The following NUP155 variants were observed in gnomAD, a reference collection of about 807,000 sequenced individuals.
NUP155 encodes nuclear pore complex protein Nup155.
In NUP155, 71 loss-of-function variants were observed where a neutral mutation model predicts 180.4. The ratio of observed to expected loss-of-function variants is 0.39; its 90% CI spans 0.33 to 0.48. The LOEUF (loss-of-function observed/expected upper bound fraction) is 0.48, where lower values mean the gene tolerates loss of function less well. Among genes scored for constraint, NUP155 ranks in the 20% least tolerant of loss-of-function variants. NUP155 has a pLI of 0.91. For missense variants in NUP155, 1,553 were observed against 1,648.9 expected (o/e 0.94, Z 1.01); for synonymous variants, 582 against 559.5 (o/e 1.04, Z -0.57).
intron 9 of NUP155, among the ~76,000 whole-genome samples, chr5:37,348,121 C>T (rs1242128522): frequency 2.6e-5 from 4 of 151,630 alleles, no homozygotes; most frequent in South Asian, 2.1e-4. Flanking sequence ...GCAACAAGAG[C>T]GAAACTCCAT....
intron 1 of NUP155, among the ~76,000 whole-genome samples, chr5:37,369,422 C>A (rs577466007): frequency 7.0e-4 from 106 of 152,214 alleles, no homozygotes; most frequent in African/African-American, 2.5e-3. Context: ...ATGCTAAATT[C>A]TCTGTAATCA....
intron 3 of NUP155, among the ~76,000 whole-genome samples, chr5:37,360,850 C>T (rs1747164965): frequency 6.6e-6 from 1 of 151,308 alleles, no homozygotes; most frequent in Non-Finnish European, 1.5e-5. Context: ...CTCCGTCTCC[C>T]AAAAAACAGG....
At chr5:37,304,894 G>A (rs1743066409) in intron 26 of NUP155, 51 bp from the exon 27 acceptor site, 1 of 1,535,066 alleles carries the variant, frequency 6.5e-7, no homozygotes, top group Non-Finnish European at 9.0e-7. Flanking sequence ...CTGTTTCTGG[G>A]CATCACAACC....
chr5:37,308,126 T>C (rs766700429), intron 24 of NUP155, among the ~76,000 whole-genome samples: 7 of 152,018 alleles, frequency 4.6e-5, no homozygotes, highest in African/African-American at 7.2e-5. Flanking sequence ...AGTAATTTTT[T>C]AAAAAGTAAG....
Position 37,351,381 on chromosome 5 carries a change from C to A in NUP155, c.557-25G>T. The A allele has an allele frequency of 2.0e-6, 3 of 1,527,658 alleles. No individual in the cohort carries two copies. The South Asian group carries it at 3.4e-5, about 17-fold the overall frequency. The allele number at this position is 1,527,658 out of a possible 1,614,324, so 94.6% of individuals were successfully genotyped here. ...CCTATTTAAGAAAGAATACATAAAT[C>A]AGTTTATTAGCTACTCCACAGTTTT... On this transcript the variant is annotated intron_variant, in intron 5 of 34. Transcript: ENST00000231498.
chr5:37,366,218 T>G (rs1747576063), intron 1 of NUP155, among the ~76,000 whole-genome samples: 1 of 152,208 alleles, frequency 6.6e-6, no homozygotes. Context: ...TAGACCTGAC[T>G]GATGACCTAC....
intron 17 of NUP155, among the ~76,000 whole-genome samples, chr5:37,328,008 G>A (rs1341108210): frequency 6.6e-6 from 1 of 152,142 alleles, no homozygotes; most frequent in Non-Finnish European, 1.5e-5. Context: ...ATGTGGATGG[G>A]TACTCCCAGA....
At position 37,308,875 on chromosome 5, in the gene NUP155, C is replaced by CAAAAA. The variant is rs59572976; in HGVS notation, c.2767+249_2767+253dup. Among the ~76,000 whole-genome samples, 19 of 68,856 alleles carry CAAAAA rather than the reference C, an allele frequency of 2.8e-4. 1 individual carries two copies. Among genetic ancestry groups the CAAAAA allele is most frequent in the African/African-American group, 1.0e-3 (16 of 15,290 alleles). The allele number at this position is 68,856 out of a possible 152,430, so 45.2% of individuals were successfully genotyped here. A position where few individuals can be genotyped will look rare whatever the true frequency, so the allele number is the denominator to read the frequency against. ...AGCCTGGCTGACAGAGCGAGACTCT[C>CAAAAA]AAAAAAAAAAAAAAAAAAAAAAAAA... On this transcript the variant is annotated intron_variant, in intron 24 of 34. Coordinates refer to ENST00000231498, the MANE Select transcript of NUP155 (RefSeq NM_153485.3).
intron 3 of NUP155, among the ~76,000 whole-genome samples, chr5:37,360,119 A>G (rs1211127026): frequency 6.6e-6 from 1 of 151,846 alleles, no homozygotes; most frequent in East Asian, 1.9e-4. Flanking sequence ...CTCTGTCTCA[A>G]AAAAAAGGGA....
chr5:37,298,563 G>A (rs934653135), intron 32 of NUP155, among the ~76,000 whole-genome samples: 8 of 152,056 alleles, frequency 5.3e-5, no homozygotes. Flanking sequence ...AACATCAACC[G>A]TTTTTCTTTT....
In NUP155 at chr5:37,296,042, G is replaced by A. The variant is rs1171277918; in HGVS notation, c.3794-1577C>T. 2.1e-4 allele frequency among the ~76,000 whole-genome samples: 31 copies of A among 146,726 alleles called. 1 individual carries two copies. Among genetic ancestry groups the A allele is most frequent in the Non-Finnish European group, 3.8e-4 (25 of 65,860 alleles). On this transcript the variant is annotated intron_variant, in intron 32 of 34. Coordinates refer to ENST00000231498, the MANE Select transcript of NUP155 (RefSeq NM_153485.3). Reference sequence around the variant, plus strand: ...CCCCGCCCGGCCAGCCGCCCTGTCCGGGAGGGAGGTGGGGGGGTCAGCCCC... The same window carrying A: ...CCCCGCCCGGCCAGCCGCCCTGTCCAGGAGGGAGGTGGGGGGGTCAGCCCC...
intron 21 of NUP155, among the ~76,000 whole-genome samples, chr5:37,317,641 T>C (rs1435885958): frequency 6.6e-6 from 1 of 151,334 alleles, no homozygotes; most frequent in Non-Finnish European, 1.5e-5. Flanking sequence ...TAGGGAAATA[T>C]ACAATATCCA....
At position 37,327,774 on chromosome 5, in the gene NUP155, T is replaced by C. The variant is rs1159055225; in HGVS notation, c.1879A>G (p.Ile627Val). The stretch of plus-strand genomic sequence containing the variant: ...GGAGTTGACATGGCAGGAGGCTGTA[T>C]ACCTTGTACACACATAAGAAAAACA... ...PSFLGTPSHG[I>V]QPPAMSTPVC... The change falls in exon 18 of 35, where the codon ATA becomes GTA. Residue 627 changes from isoleucine (I) to valine (V), a missense_variant and splice_region_variant. Coordinates refer to ENST00000231498, the MANE Select transcript of NUP155 (RefSeq NM_153485.3). 1.9e-6 allele frequency: 3 copies of C among 1,614,000 alleles called. No homozygotes were observed. The highest frequency in any genetic ancestry group is 1.1e-5 in the South Asian group (1 of 91,090).
intron 12 of NUP155, among the ~76,000 whole-genome samples, chr5:37,334,520 A>G (rs573666412): frequency 3.0e-4 from 45 of 152,064 alleles, no homozygotes; most frequent in African/African-American, 8.7e-4. Flanking sequence ...ATCTGGGATT[A>G]GAGACGCACA....
intron 21 of NUP155, among the ~76,000 whole-genome samples, chr5:37,314,599 A>T (rs535148764): frequency 4.9e-4 from 74 of 152,186 alleles, no homozygotes; most frequent in Non-Finnish European, 9.1e-4. Context: ...GCACTTTGGG[A>T]GGCCGAGGCA....
chr5:37,344,795 C>A (rs1745968172), intron 9 of NUP155, among the ~76,000 whole-genome samples: 1 of 151,590 alleles, frequency 6.6e-6, no homozygotes, highest in Admixed American at 6.6e-5. Flanking sequence ...CTGCTTGAAC[C>A]CGGGAGGTGG....
At position 37,288,921 on chromosome 5, in the gene NUP155, A is replaced by G. The variant is rs78406874; in HGVS notation, c.*2979T>C. 1.3e-5 allele frequency: 2 copies of G among 151,932 alleles called. No individual in the cohort carries two copies. The highest frequency in any genetic ancestry group is 2.9e-5 in the Non-Finnish European group (2 of 68,160). The allele number at this position is 151,932 out of a possible 1,614,324, so 9.4% of individuals were successfully genotyped here. On this transcript the variant is annotated 3_prime_UTR_variant, in exon 35 of 35. Transcript: ENST00000231498. ...TCTACTAAAAATACAAAAAAAAAAA[A>G]TTAGCCAGGCATGGTGGCGCATGCC...
At position 37,288,964 on chromosome 5, in the gene NUP155, G is replaced by C. The variant is rs544050317; in HGVS notation, c.*2936C>G. ...CGCATGCCTGTAATCTCAGCTACTC[G>C]GGAGGCTGAGGCAGAAGAATTGCTT... On this transcript the variant is annotated 3_prime_UTR_variant, in exon 35 of 35. Transcript: ENST00000231498. The C allele has an allele frequency of 6.5e-6, 1 of 152,840 alleles. No homozygotes were observed. Among genetic ancestry groups the C allele is most frequent in the Non-Finnish European group, 1.5e-5 (1 of 68,520 alleles). The allele number at this position is 152,840 out of a possible 1,614,324, so 9.5% of individuals were successfully genotyped here.
chr5:37,295,357 T>C (rs1480706467), intron 32 of NUP155, among the ~76,000 whole-genome samples: 1 of 152,136 alleles, frequency 6.6e-6, no homozygotes, highest in Non-Finnish European at 1.5e-5. Flanking sequence ...TGCTCAATGG[T>C]GCCCAGGCTG....
Sources: gnomAD v4.1 joint callset for allele counts (sites outside exome capture counted in the v4.1 genomes callset) on GRCh38, gnomAD v4.1.1 for gene constraint, MANE v1.5 for transcripts, NCBI Gene and HGNC (gene_info 2026-07-23, HGNC 2026-07-21) for gene names.